Variants in HSD11B1 observed in about 807,000 individuals in gnomAD.
The protein encoded by HSD11B1 is hydroxysteroid 11-beta dehydrogenase 1.
Under a neutral mutation model 22.1 loss-of-function variants are expected in HSD11B1, and 15 were observed. That is an observed-to-expected ratio of 0.68 (90% CI 0.45 to 1.04). The LOEUF (loss-of-function observed/expected upper bound fraction) is 1.04, where lower values mean the gene tolerates loss of function less well. HSD11B1 is among the 50% of genes least tolerant of loss of function. The probability of loss-of-function intolerance (pLI) is 0.00; values close to 1 mark genes in which losing one functional copy is unlikely to be tolerated. For synonymous variants in HSD11B1, 122 were observed against 125.2 expected (o/e 0.97, Z 0.17); for missense variants, 281 against 357.6 (o/e 0.79, Z 1.73).
In HSD11B1 at chr1:209,696,038, TA is replaced by T. The variant is rs1274743545; in HGVS notation, c.-48-8854del. 3.9e-5 allele frequency among the ~76,000 whole-genome samples: 6 copies of T among 152,286 alleles called. No individual in the cohort carries two copies. The East Asian group carries it at 1.2e-3, about 29-fold the overall frequency. On this transcript the variant is annotated intron_variant, in intron 1 of 6. Coordinates refer to the HSD11B1 transcript ENST00000261465. ...CATACAATGGAATATGATTTGTCAA[TA>T]AATGACACATGTTACAATACGGAAG...
chr1:209,722,192 A>G (rs1350672718), intron 4 of HSD11B1, among the ~76,000 whole-genome samples: 5 of 152,316 alleles, frequency 3.3e-5, no homozygotes, highest in Admixed American at 3.3e-4. Flanking sequence ...ACTCCATTTC[A>G]TATCCTGTCA....
intron 4 of HSD11B1, among the ~76,000 whole-genome samples, chr1:209,718,030 A>T (rs560745951): frequency 6.6e-6 from 1 of 152,316 alleles, no homozygotes; most frequent in Non-Finnish European, 1.5e-5. Context: ...CATATGAGGG[A>T]ACTAAAAAGG....
intron 4 of HSD11B1, among the ~76,000 whole-genome samples, chr1:209,723,705 CA>C (rs1424039486): frequency 6.6e-6 from 1 of 152,214 alleles, no homozygotes; most frequent in African/African-American, 2.4e-5. Context: ...TCTCTTTCCC[CA>C]CCTCCTCCCC....
intron 4 of HSD11B1, among the ~76,000 whole-genome samples, chr1:209,711,710 T>C (rs1472879063): frequency 6.6e-6 from 1 of 152,074 alleles, no homozygotes; most frequent in African/African-American, 2.4e-5. Flanking sequence ...GCATAAAAAT[T>C]CCAGAAAATT....
At chr1:209,729,503 G>A (rs955301561) in intron 4 of HSD11B1, among the ~76,000 whole-genome samples, 5 of 152,060 alleles carry the variant, frequency 3.3e-5, no homozygotes, top group Admixed American at 6.6e-5. Flanking sequence ...CTATCTAAAT[G>A]TTTTGCCATC....
chr1:209,710,248 G>T (rs995315052), intron 4 of HSD11B1, among the ~76,000 whole-genome samples: 1 of 152,184 alleles, frequency 6.6e-6, no homozygotes, highest in Non-Finnish European at 1.5e-5. Flanking sequence ...GAAAAGTAAA[G>T]TTGGTTTCAT....
chr1:209,719,995 G>A (rs897541900), intron 4 of HSD11B1, among the ~76,000 whole-genome samples: 1 of 152,052 alleles, frequency 6.6e-6, no homozygotes, highest in Non-Finnish European at 1.5e-5. Context: ...AATACCTAAT[G>A]TAAATGATGA....
intron 4 of HSD11B1, among the ~76,000 whole-genome samples, chr1:209,730,181 G>C (rs2077026986): frequency 6.6e-6 from 1 of 152,118 alleles, no homozygotes; most frequent in African/African-American, 2.4e-5. Flanking sequence ...AAAGAAAGAA[G>C]TCAAAAACCT....
chr1:209,712,033 G>T (rs1449582681), intron 4 of HSD11B1, among the ~76,000 whole-genome samples: 3 of 152,192 alleles, frequency 2.0e-5, no homozygotes, highest in Non-Finnish European at 4.4e-5. Context: ...TCATTCAAGT[G>T]CACTTGTGGA....
chr1:209,723,318 T>C (rs2076979634), intron 4 of HSD11B1, among the ~76,000 whole-genome samples: 1 of 152,300 alleles, frequency 6.6e-6, no homozygotes, highest in South Asian at 2.1e-4. Context: ...TTCATGCATA[T>C]TAGAACAGTA....
chr1:209,705,766 C>T (rs777723255), intron 1 of HSD11B1, 45 bp from the exon 2 acceptor site: 2 of 1,611,042 alleles, frequency 1.2e-6, no homozygotes, highest in Non-Finnish European at 1.7e-6. Context: ...AGGAATTTTG[C>T]TGCCAACTTG....
rs559586602 is a variant in HSD11B1 at position 209,695,772 on chromosome 1, A to G, written c.-48-9123A>G. Reference sequence around the variant, plus strand: ...TGGTGAGCCAAGATCATGCCACTGCACTCCAGCCTGGCCACAGAGTGAGAC... The same window carrying G: ...TGGTGAGCCAAGATCATGCCACTGCGCTCCAGCCTGGCCACAGAGTGAGAC... On this transcript the variant is annotated intron_variant, in intron 1 of 6. Coordinates refer to the HSD11B1 transcript ENST00000261465. Among the ~76,000 whole-genome samples, 6 of 152,266 alleles carry G rather than the reference A, an allele frequency of 3.9e-5. No homozygotes were observed. The South Asian group carries it at 1.0e-3, about 26-fold the overall frequency.
At chr1:209,700,207 A>G (rs2076818341), upstream of HSD11B1, among the ~76,000 whole-genome samples, 1 of 152,254 alleles carries the variant, frequency 6.6e-6, no homozygotes. Context: ...ACACTGCCCT[A>G]GCAGAGGTTC....
In HSD11B1 at chr1:209,707,108, T is replaced by C. The variant is rs776343435; in HGVS notation, c.497T>C (p.Val166Ala). ...CTGAAGCAGAGCAATGGAAGCATTG[T>C]TGTCGTCTCCTCTCTGGCTGGTAAG... ...PMLKQSNGSI[V>A]VVSSLAGKVA... Residue 166 changes from valine (V) to alanine (A), a missense_variant, in exon 4 of 6, where the codon GTT becomes GCT. Physicochemically the swap from Val to Ala is moderately conservative, Grantham distance 64. Transcript: ENST00000367027. 28 of 1,613,972 alleles carry C rather than the reference T, an allele frequency of 1.7e-5. No individual in the cohort carries two copies. The highest frequency in any genetic ancestry group is 1.7e-6 in the Non-Finnish European group (2 of 1,179,974).
intron 1 of HSD11B1, among the ~76,000 whole-genome samples, chr1:209,690,221 G>C (rs548123986): frequency 1.3e-5 from 2 of 152,340 alleles, no homozygotes; most frequent in Admixed American, 6.5e-5. Context: ...TGAGAGGATT[G>C]CTTGCACATA....
chr1:209,717,412 T>G (rs1472251482), intron 4 of HSD11B1, among the ~76,000 whole-genome samples: 1 of 152,188 alleles, frequency 6.6e-6, no homozygotes, highest in Non-Finnish European at 1.5e-5. Flanking sequence ...GATACTATTG[T>G]GGATGCAGAG....
At chr1:209,725,106 C>T (rs1014482598) in intron 4 of HSD11B1, among the ~76,000 whole-genome samples, 3 of 152,112 alleles carry the variant, frequency 2.0e-5, no homozygotes, top group African/African-American at 4.8e-5. Context: ...TATTTTAGTG[C>T]AGAAATAATA....
At chr1:209,725,593 T>C (rs542566515) in intron 4 of HSD11B1, among the ~76,000 whole-genome samples, 2 of 152,240 alleles carry the variant, frequency 1.3e-5, no homozygotes, top group African/African-American at 4.8e-5. Flanking sequence ...TGTGGGACTT[T>C]AGCCTCTTCC....
At chr1:209,730,357 C>G (rs1297907749) in intron 4 of HSD11B1, among the ~76,000 whole-genome samples, 3 of 152,180 alleles carry the variant, frequency 2.0e-5, no homozygotes, top group Non-Finnish European at 4.4e-5. Context: ...TGCTACAATT[C>G]TAGCCATCAT....
Sources: gnomAD v4.1 joint callset for allele counts (sites outside exome capture counted in the v4.1 genomes callset) on GRCh38, gnomAD v4.1.1 for gene constraint, MANE v1.5 for transcripts, NCBI Gene and HGNC (gene_info 2026-07-23, HGNC 2026-07-21) for gene names.